Variants in ADCY9 observed in about 807,000 individuals in gnomAD.
ADCY9 encodes adenylate cyclase 9.
ADCY9 carries 50 observed loss-of-function variants against 101.5 expected under a neutral mutation model. The observed-to-expected ratio is 0.49, with a 90% CI of 0.39 to 0.62. The LOEUF (loss-of-function observed/expected upper bound fraction) is 0.62, where lower values mean the gene tolerates loss of function less well. Ranked by LOEUF, ADCY9 falls within the 20% of genes least tolerant of loss-of-function variation. ADCY9 has a pLI of 0.00. For synonymous variants in ADCY9, 905 were observed against 769.3 expected (o/e 1.18, Z -2.92); for missense variants, 1,662 against 1,800.4 (o/e 0.92, Z 1.39).
At chr16:4,027,886 A>AG (rs1203951627) in intron 2 of ADCY9, among the ~76,000 whole-genome samples, 2 of 151,988 alleles carry the variant, frequency 1.3e-5, no homozygotes, top group East Asian at 3.9e-4. Flanking sequence ...TCAAAAAAAA[A>AG]AAAAAGAAAA....
intron 2 of ADCY9, among the ~76,000 whole-genome samples, chr16:4,017,737 C>T (rs745501272): frequency 4.0e-5 from 6 of 151,434 alleles, no homozygotes; most frequent in Non-Finnish European, 5.9e-5. Context: ...ACTAAAAATT[C>T]AACATAGCAA....
At chr16:4,017,842 C>T (rs775227718) in intron 2 of ADCY9, among the ~76,000 whole-genome samples, 2 of 152,218 alleles carry the variant, frequency 1.3e-5, no homozygotes, top group African/African-American at 2.4e-5. Context: ...TTGCAGCTCT[C>T]ACTATTGTAG....
At chr16:4,008,949 G>T (rs180857348) in intron 2 of ADCY9, among the ~76,000 whole-genome samples, 28 of 152,104 alleles carry the variant, frequency 1.8e-4, no homozygotes, top group Non-Finnish European at 4.0e-4. Flanking sequence ...AACACTGATC[G>T]ACTCTGGCTT....
At chr16:3,960,632 G>A (rs1043886773), downstream of ADCY9, among the ~76,000 whole-genome samples, 12 of 152,086 alleles carry the variant, frequency 7.9e-5, no homozygotes, top group African/African-American at 2.4e-4. Flanking sequence ...AAGCCTTTGC[G>A]AGCCAAACCT....
chr16:3,957,831 C>G (rs2055915782), downstream of ADCY9, among the ~76,000 whole-genome samples: 1 of 152,218 alleles, frequency 6.6e-6, no homozygotes, highest in Non-Finnish European at 1.5e-5. Context: ...TCCTCTCTCC[C>G]TGAACCCTTT....
At chr16:4,086,808 C>G (rs763336879) in intron 2 of ADCY9, among the ~76,000 whole-genome samples, 1 of 151,930 alleles carries the variant, frequency 6.6e-6, no homozygotes, top group Non-Finnish European at 1.5e-5. Context: ...TACAGGCATG[C>G]GCCACCACGC....
At chr16:4,097,556 T>C (rs1430153353) in intron 2 of ADCY9, among the ~76,000 whole-genome samples, 1 of 85,354 alleles carries the variant, frequency 1.2e-5, no homozygotes, top group African/African-American at 7.7e-5. Flanking sequence ...TATATATATT[T>C]TTTTTTTTTT....
intron 2 of ADCY9, among the ~76,000 whole-genome samples, chr16:4,107,177 G>T (rs1017946109): frequency 2.6e-5 from 4 of 152,170 alleles, no homozygotes; most frequent in Non-Finnish European, 5.9e-5. Context: ...CTGTGGAGGG[G>T]AACTGTGTGC....
intron 2 of ADCY9, among the ~76,000 whole-genome samples, chr16:4,111,191 T>C (rs1197992678): frequency 6.6e-6 from 1 of 152,236 alleles, no homozygotes; most frequent in East Asian, 1.9e-4. Context: ...TGCCCATTCC[T>C]GCAGGGCCGC....
At chr16:4,035,576 A>T (rs933139365) in intron 2 of ADCY9, among the ~76,000 whole-genome samples, 2 of 152,154 alleles carry the variant, frequency 1.3e-5, no homozygotes, top group Admixed American at 6.6e-5. Flanking sequence ...AGCCAATGAC[A>T]CACACGAGGA....
Position 4,115,929 on chromosome 16 carries a change from G to A in ADCY9, c.-283C>T, listed in dbSNP as rs1158180123. 5.2e-6 allele frequency: 2 copies of A among 386,518 alleles called. No individual in the cohort carries two copies. The highest frequency in any genetic ancestry group is 4.5e-5 in the Admixed American group (1 of 22,220). The allele number at this position is 386,518 out of a possible 1,614,324, so 23.9% of individuals were successfully genotyped here. On this transcript the variant is annotated 5_prime_UTR_variant, in exon 1 of 11. Coordinates refer to ENST00000294016, the MANE Select transcript of ADCY9 (RefSeq NM_001116.4). This position sits in a 1 kb window ranked among gnomAD's most constrained non-coding sequence, Gnocchi z 6.2. The stretch of plus-strand genomic sequence containing the variant: ...GCGGCGCGGAGCCCTCCATCCTGCA[G>A]GAGCCGCGCTCCGATGCGTCAAAGG...
intron 2 of ADCY9, among the ~76,000 whole-genome samples, chr16:4,107,657 G>C (rs1011203274): frequency 4.0e-5 from 6 of 151,698 alleles, no homozygotes; most frequent in East Asian, 1.9e-4. Flanking sequence ...CAGTGGCAAG[G>C]GTTGCAGGCT....
At chr16:4,013,093 A>C (rs1409392882) in intron 2 of ADCY9, among the ~76,000 whole-genome samples, 1 of 151,948 alleles carries the variant, frequency 6.6e-6, no homozygotes, top group Admixed American at 6.6e-5. Flanking sequence ...CTCTATAAAA[A>C]ATTTAAAAAT....
chr16:4,023,297 G>A (rs933901739), intron 2 of ADCY9, among the ~76,000 whole-genome samples: 5 of 152,160 alleles, frequency 3.3e-5, no homozygotes, highest in Admixed American at 6.5e-5. Flanking sequence ...GCAAGGACCC[G>A]AGTCACCAGC....
chr16:3,970,689 A>G (rs2056043457), intron 10 of ADCY9, among the ~76,000 whole-genome samples: 1 of 152,230 alleles, frequency 6.6e-6, no homozygotes, highest in African/African-American at 2.4e-5. Flanking sequence ...TGGGATATTA[A>G]AAAACAATGA....
Position 4,034,921 on chromosome 16 carries a change from G to A in ADCY9, c.1694-27363C>T, listed in dbSNP as rs138912679. Among the ~76,000 whole-genome samples, 311 of 152,270 alleles carry A rather than the reference G, an allele frequency of 2.0e-3. 2 individuals carry two copies. The highest frequency in any genetic ancestry group is 6.4e-3 in the African/African-American group (267 of 41,548). On this transcript the variant is annotated intron_variant, in intron 2 of 10. Coordinates refer to ENST00000294016, the MANE Select transcript of ADCY9 (RefSeq NM_001116.4). ...GGTAGAGAAGGAGAAGACACTCACC[G>A]CATACCAGGTACCAGGAAATGTGTT...
chr16:3,998,281 T>C lies in ADCY9; in HGVS notation c.1885-4771A>G, dbSNP rs142964172. 3.0e-3 allele frequency among the ~76,000 whole-genome samples: 449 copies of C among 152,056 alleles called. 2 individuals carry two copies. Among genetic ancestry groups the C allele is most frequent in the African/African-American group, 9.2e-3 (380 of 41,474 alleles). On this transcript the variant is annotated intron_variant, in intron 3 of 10. Transcript: ENST00000294016. ...TAGAAATTAGCTGGGCACAGTGGTG[T>C]GTGCTTGTAGTCCCAGCTACTCAGG...
At position 3,996,649 on chromosome 16, in the gene ADCY9, G is replaced by A. The variant is rs2056289154; in HGVS notation, c.1885-3139C>T. Among the ~76,000 whole-genome samples the A allele has an allele frequency of 2.0e-5, 3 of 152,180 alleles. No individual in the cohort carries two copies. In the South Asian group the frequency reaches 6.2e-4, roughly 32 times the overall value. On this transcript the variant is annotated intron_variant, in intron 3 of 10. Coordinates refer to ENST00000294016, the MANE Select transcript of ADCY9 (RefSeq NM_001116.4). ...GCCAAAGCCCGAAGTGCAAGTGCGT[G>A]CTCAGTAAATGCTGGTAGTGAATAT... is the stretch of plus-strand genomic sequence containing the variant.
intron 2 of ADCY9, among the ~76,000 whole-genome samples, chr16:4,036,015 A>AAAAAAAAAAAAAAAAAAAAAAAAAAAAC (rs2056586886): frequency 6.7e-6 from 1 of 149,638 alleles, no homozygotes; most frequent in African/African-American, 2.4e-5. Flanking sequence ...AAAAAAAAAA[A>AAAAAAAAAAAAAAAAAAAAAAAAAAAAC]AAAAAAAAAA....
Sources: gnomAD v4.1 joint callset for allele counts (sites outside exome capture counted in the v4.1 genomes callset) on GRCh38, gnomAD v4.1.1 for gene constraint, Gnocchi (gnomAD v3.1) non-coding constraint, MANE v1.5 for transcripts, NCBI Gene and HGNC (gene_info 2026-07-23, HGNC 2026-07-21) for gene names.